Variants in NR1H3 observed in about 807,000 individuals in gnomAD.
The protein encoded by NR1H3 is oxysterols receptor LXR-alpha.
NR1H3 carries 19 observed loss-of-function variants against 48.1 expected under a neutral mutation model. The ratio of observed to expected loss-of-function variants is 0.40; its 90% CI spans 0.28 to 0.58. The LOEUF (loss-of-function observed/expected upper bound fraction) is 0.58, where lower values mean the gene tolerates loss of function less well. NR1H3 is among the 20% of genes least tolerant of loss of function. The probability of loss-of-function intolerance (pLI) is 0.50; values close to 1 mark genes in which losing one functional copy is unlikely to be tolerated. For synonymous variants in NR1H3, 232 were observed against 227.3 expected, an observed-to-expected ratio of 1.02 and a Z score of -0.19; for missense variants, 486 against 595.9, an observed-to-expected ratio of 0.82 and a Z score of 1.92.
At chr11:47,256,471 C>A (rs932356504), upstream of NR1H3, among the ~76,000 whole-genome samples, 1 of 151,996 alleles carries the variant, frequency 6.6e-6, no homozygotes, top group African/African-American at 2.4e-5. Context: ...AGGATTTGAA[C>A]CCAAAATCTG....
intron 1 of NR1H3, among the ~76,000 whole-genome samples, chr11:47,252,502 G>A (rs1445712052): frequency 6.6e-6 from 1 of 151,844 alleles, no homozygotes; most frequent in Non-Finnish European, 1.5e-5. Flanking sequence ...CAGGTGATCT[G>A]CCCATTTTGG....
upstream of NR1H3, chr11:47,257,937 C>T: frequency 1.0e-6 from 1 of 985,362 alleles, no homozygotes; most frequent in Non-Finnish European, 1.2e-6. Context: ...GGTGGCCTGA[C>T]CCCTCGGCAG....
At chr11:47,259,646 A>G in intron 2 of NR1H3, 145 bp from the exon 3 acceptor site, 2 of 1,489,078 alleles carry the variant, frequency 1.3e-6, no homozygotes, top group South Asian at 1.4e-5. Context: ...TAGAGCCCAC[A>G]CAGACTCTAG....
At position 47,260,607 on chromosome 11, in the gene NR1H3, C is replaced by T. The variant is rs745644666; in HGVS notation, c.431C>T (p.Thr144Ile). Residue 144 changes from threonine (T) to isoleucine (I), a missense_variant, in exon 4 of 10, where the codon ACC becomes ATC. Transcript: ENST00000441012. ...AGTGGCGGCCACTGCCCCATGGACA[C>T]CTACATGCGTCGCAAGTGCCAGGAG... ...CHSGGHCPMD[T>I]YMRRKCQECR... The T allele has an allele frequency of 1.2e-6, 2 of 1,613,512 alleles. No individual in the cohort carries two copies. The highest frequency in any genetic ancestry group is 2.2e-5 in the South Asian group (2 of 91,074).
At position 47,260,644 on chromosome 11, in the gene NR1H3, C is replaced by T; in HGVS notation, c.468C>T (p.Arg156=). The T allele has an allele frequency of 3.1e-6, 5 of 1,607,146 alleles. No individual in the cohort carries two copies. Among genetic ancestry groups the T allele is most frequent in the Non-Finnish European group, 3.4e-6 (4 of 1,178,708 alleles). The change falls in exon 4 of 10, where the codon CGC becomes CGT. Residue 156 remains arginine (R), a synonymous_variant. Transcript: ENST00000441012. ...GCAAGTGCCAGGAGTGTCGGCTTCG[C>T]AAATGCCGTCAGGCTGGCATGCGGG... The part of the protein sequence containing the change: ...MRRKCQECRL[R]KCRQAGMREE...
chr11:47,253,212 G>C (rs1353775960), upstream of NR1H3, among the ~76,000 whole-genome samples: 6 of 149,862 alleles, frequency 4.0e-5, no homozygotes, highest in Admixed American at 1.3e-4. Context: ...CAAGCGATCT[G>C]CCCTTCTTGG....
intron 2 of NR1H3, chr11:47,259,589 C>A: frequency 6.9e-7 from 1 of 1,454,150 alleles, no homozygotes. Context: ...TTAACATCTT[C>A]ATTTAAGGTC....
chr11:47,251,305 T>C (rs189020342), intron 1 of NR1H3, among the ~76,000 whole-genome samples: 2 of 152,050 alleles, frequency 1.3e-5, no homozygotes, highest in East Asian at 3.9e-4. Flanking sequence ...GGAAACCTTT[T>C]CAAATTAGTT....
At chr11:47,266,853 C>G (rs996075525) in intron 7 of NR1H3, among the ~76,000 whole-genome samples, 1 of 151,886 alleles carries the variant, frequency 6.6e-6, no homozygotes, top group Non-Finnish European at 1.5e-5. Flanking sequence ...GTCGGCCAGG[C>G]TGGTCTCAAA....
In NR1H3 at chr11:47,259,574, A is replaced by G. The variant is rs1224442333; in HGVS notation, c.44-217A>G. On this transcript the variant is annotated intron_variant, in intron 2 of 9. Coordinates refer to ENST00000441012, the MANE Select transcript of NR1H3 (RefSeq NM_005693.4). ...ATACACTCCAGCCCCCCAAAGGGAC[A>G]AGGATTAACATCTTCATTTAAGGTC... The G allele has an allele frequency of 2.1e-6, 3 of 1,458,426 alleles. No homozygotes were observed. In the African/African-American group the frequency reaches 4.3e-5, roughly 21 times the overall value. The allele number at this position is 1,458,426 out of a possible 1,614,324, so 90.3% of individuals were successfully genotyped here. A position where few individuals can be genotyped will look rare whatever the true frequency, so the allele number is the denominator to read the frequency against.
upstream of NR1H3, among the ~76,000 whole-genome samples, chr11:47,255,547 T>TTC (rs1241899233): frequency 3.6e-5 from 2 of 55,694 alleles, no homozygotes; most frequent in African/African-American, 1.2e-4. Context: ...TTCTTTTTCT[T>TTC]TCTTTCTTTC....
upstream of NR1H3, among the ~76,000 whole-genome samples, chr11:47,256,654 TAA>T (rs59002769): frequency 2.1e-4 from 19 of 92,096 alleles, no homozygotes; most frequent in Non-Finnish European, 2.7e-4. Flanking sequence ...CCAAAAAAGG[TAA>T]AAAAAAAAAA....
intron 1 of NR1H3, 57 bp from the exon 2 acceptor site, chr11:47,259,123 G>T: frequency 6.2e-7 from 1 of 1,605,436 alleles, no homozygotes; most frequent in Non-Finnish European, 8.5e-7. Flanking sequence ...GGAGAAGGGA[G>T]CTGAGGCCAG....
chr11:47,265,920 C>T (rs1030386306), intron 7 of NR1H3, among the ~76,000 whole-genome samples: 5 of 152,034 alleles, frequency 3.3e-5, no homozygotes, highest in Admixed American at 3.3e-4. Flanking sequence ...TGGTAGTTAC[C>T]ATATATGCCA....
upstream of NR1H3, chr11:47,248,724 C>G: frequency 6.2e-7 from 1 of 1,611,766 alleles, no homozygotes; most frequent in Non-Finnish European, 8.5e-7. Context: ...GCATCACCAC[C>G]AGGTTCACGC....
Position 47,259,962 on chromosome 11 carries a change from C to T in NR1H3, c.215C>T (p.Pro72Leu). 6.5e-7 allele frequency: 1 copy of T among 1,546,514 alleles called. No individual in the cohort carries two copies. The highest frequency in any genetic ancestry group is 1.2e-5 in the South Asian group (1 of 80,290). Residue 72 changes from proline (P) to leucine (L), a missense_variant, in exon 3 of 10, where the codon CCC becomes CTC. Pro to Leu is a moderately conservative substitution (Grantham distance 98). Transcript: ENST00000441012. ...ACAGCCCTGCTCACCAGGGCAGAGC[C>T]CCCTTCAGAACCCACAGGTGAGGAG... ...EPTALLTRAEPPSEPTEIRPQ... is the reference protein window; with the variant it reads ...EPTALLTRAELPSEPTEIRPQ...
At chr11:47,262,383 G>T (rs1237645577) in intron 7 of NR1H3, among the ~76,000 whole-genome samples, 1 of 150,060 alleles carries the variant, frequency 6.7e-6, no homozygotes, top group African/African-American at 2.4e-5. Context: ...AACAAAAATT[G>T]AGATAGAGTC....
chr11:47,259,334 C>G, intron 2 of NR1H3, 75 bp downstream of exon 2: 1 of 1,607,412 alleles, frequency 6.2e-7, no homozygotes, highest in Non-Finnish European at 8.5e-7. Context: ...CAGCCTCCTT[C>G]ATTACCTGCC....
At chr11:47,260,314 A>C in intron 3 of NR1H3, 95 bp from the exon 4 acceptor site, 1 of 1,469,072 alleles carries the variant, frequency 6.8e-7, no homozygotes, top group Admixed American at 2.2e-5. Flanking sequence ...AATGAAGGGA[A>C]TGAAGGTCAC....
Sources: allele counts gnomAD v4.1 joint callset (sites outside exome capture counted in the v4.1 genomes callset), GRCh38; gene constraint gnomAD v4.1.1; transcripts MANE v1.5; gene names NCBI Gene and HGNC (gene_info 2026-07-23, HGNC 2026-07-21).